NDUFAF2: variants seen among roughly 807,000 people sequenced by gnomAD.
The protein encoded by NDUFAF2 is NADH dehydrogenase [ubiquinone] 1 alpha subcomplex assembly factor 2.
In NDUFAF2, 13 loss-of-function variants were observed where a neutral mutation model predicts 22.8. The observed-to-expected ratio is 0.57, with a 90% confidence interval of 0.37 to 0.91. The LOEUF is 0.91. Among genes scored for constraint, NDUFAF2 ranks in the 40% least tolerant of loss-of-function variants. NDUFAF2 has a pLI of 0.01. For missense variants in NDUFAF2, 162 were observed against 195.2 expected (o/e 0.83, Z 1.01); for synonymous variants, 53 against 64.2 (o/e 0.83, Z 0.84).
At chr5:60,997,238 G>T (rs558507185) in intron 1 of NDUFAF2, among the ~76,000 whole-genome samples, 1 of 152,172 alleles carries the variant, frequency 6.6e-6, no homozygotes, top group East Asian at 1.9e-4. Flanking sequence ...CAACATAAAG[G>T]TTTGGTGATT....
At chr5:60,990,987 T>C (rs948417203) in intron 1 of NDUFAF2, among the ~76,000 whole-genome samples, 1 of 152,134 alleles carries the variant, frequency 6.6e-6, no homozygotes, top group African/African-American at 2.4e-5. Context: ...CCTGGTATAG[T>C]TGAACAAAAA....
intron 1 of NDUFAF2, among the ~76,000 whole-genome samples, chr5:60,989,705 G>A (rs1443428853): frequency 6.6e-6 from 1 of 152,094 alleles, no homozygotes; most frequent in Non-Finnish European, 1.5e-5. Flanking sequence ...AACAACGCAC[G>A]TGGACACAAC....
intron 1 of NDUFAF2, among the ~76,000 whole-genome samples, chr5:61,026,455 CTAATA>C (rs1580101080): frequency 6.6e-6 from 1 of 152,026 alleles, no homozygotes; most frequent in East Asian, 1.9e-4. Context: ...TGTAGAAAAT[CTAATA>C]TGTGTGTAAA....
intron 3 of NDUFAF2, among the ~76,000 whole-genome samples, chr5:61,114,101 C>A (rs1005573701): frequency 1.3e-5 from 2 of 152,004 alleles, no homozygotes; most frequent in Non-Finnish European, 2.9e-5. Context: ...TGTTATTTTA[C>A]CTTTGAATAA....
intron 2 of NDUFAF2, among the ~76,000 whole-genome samples, chr5:61,080,567 A>G (rs755876301): frequency 1.9e-4 from 29 of 152,124 alleles, no homozygotes; most frequent in Non-Finnish European, 2.9e-4. Flanking sequence ...GTGTTTTGAT[A>G]TCTCATTGTG....
At chr5:61,018,439 T>C (rs1194977676) in intron 1 of NDUFAF2, among the ~76,000 whole-genome samples, 1 of 152,188 alleles carries the variant, frequency 6.6e-6, no homozygotes, top group Non-Finnish European at 1.5e-5. Context: ...TCTTCCAATA[T>C]TCAAATAAGT....
intron 1 of NDUFAF2, among the ~76,000 whole-genome samples, chr5:60,996,350 C>T (rs576074793): frequency 6.6e-6 from 1 of 152,168 alleles, no homozygotes; most frequent in East Asian, 1.9e-4. Context: ...GGAGCTAGGC[C>T]CTGAAACAGG....
At chr5:61,006,616 A>C (rs1014029020) in intron 1 of NDUFAF2, among the ~76,000 whole-genome samples, 5 of 152,118 alleles carry the variant, frequency 3.3e-5, no homozygotes, top group Non-Finnish European at 5.9e-5. Flanking sequence ...CTTTTATTTC[A>C]TTGAGCACTG....
At chr5:61,152,056 A>G (rs2111837846) in intron 3 of NDUFAF2, among the ~76,000 whole-genome samples, 1 of 152,312 alleles carries the variant, frequency 6.6e-6, no homozygotes, top group Middle Eastern at 3.4e-3. Flanking sequence ...CCTAGATAGA[A>G]TTCTGAGGAA....
At chr5:60,988,711 A>C (rs545075110) in intron 1 of NDUFAF2, among the ~76,000 whole-genome samples, 1 of 152,354 alleles carries the variant, frequency 6.6e-6, no homozygotes, top group East Asian at 1.9e-4. Flanking sequence ...TGATGCTGGG[A>C]TAACTGGCTA....
chr5:61,020,993 CTTTTTTT>C (rs35877702), intron 1 of NDUFAF2, among the ~76,000 whole-genome samples: 1 of 116,630 alleles, frequency 8.6e-6, no homozygotes, highest in African/African-American at 3.3e-5. Context: ...TGCGTCCAGC[CTTTTTTT>C]TTTTTTTTTT....
At chr5:61,142,100 G>A (rs1057071408) in intron 3 of NDUFAF2, among the ~76,000 whole-genome samples, 1 of 152,122 alleles carries the variant, frequency 6.6e-6, no homozygotes, top group Non-Finnish European at 1.5e-5. Flanking sequence ...AGGGAGCAAG[G>A]TTTTCTTTGT....
chr5:61,150,449 G>A lies in NDUFAF2; in HGVS notation c.259-2255G>A, dbSNP rs1301371560. Among the ~76,000 whole-genome samples the A allele has an allele frequency of 3.9e-5, 6 of 152,076 alleles. No homozygotes were observed. In the East Asian group the frequency reaches 1.2e-3, roughly 29 times the overall value. On this transcript the variant is annotated intron_variant, in intron 3 of 3. Coordinates refer to ENST00000296597, the MANE Select transcript of NDUFAF2 (RefSeq NM_174889.5). ...TAAAAATAATTAATATATTCAGATTGGCTTTTCTTTTGCCTCAATAGCTAT... is the reference window on the plus strand; with the variant it reads ...TAAAAATAATTAATATATTCAGATTAGCTTTTCTTTTGCCTCAATAGCTAT...
At chr5:61,107,358 T>C (rs1752780636) in intron 3 of NDUFAF2, among the ~76,000 whole-genome samples, 1 of 151,460 alleles carries the variant, frequency 6.6e-6, no homozygotes, top group Admixed American at 6.6e-5. Flanking sequence ...CACTTTTTCA[T>C]ATACCTGTTT....
chr5:61,099,087 G>A (rs995176243), intron 3 of NDUFAF2, 55 bp downstream of exon 3: 32 of 1,233,200 alleles, frequency 2.6e-5, no homozygotes, highest in Middle Eastern at 2.0e-4. Flanking sequence ...AAGGATATAC[G>A]AAGCTTCAGA....
intron 3 of NDUFAF2, among the ~76,000 whole-genome samples, chr5:61,110,498 T>G (rs927575999): frequency 1.3e-5 from 2 of 152,092 alleles, no homozygotes; most frequent in Non-Finnish European, 2.9e-5. Context: ...GGTTTCAATC[T>G]TATTCTTATT....
intron 2 of NDUFAF2, among the ~76,000 whole-genome samples, chr5:61,085,420 A>G (rs574266923): frequency 2.3e-4 from 35 of 152,204 alleles, no homozygotes; most frequent in Middle Eastern, 3.4e-3. Context: ...TTAAGGGGGG[A>G]AAAAAACCTA....
At chr5:60,977,819 A>G (rs1308599415) in intron 1 of NDUFAF2, among the ~76,000 whole-genome samples, 2 of 149,706 alleles carry the variant, frequency 1.3e-5, no homozygotes, top group Non-Finnish European at 3.0e-5. Flanking sequence ...TCTGGGCTAC[A>G]GAACAAGACT....
At chr5:61,049,735 A>G (rs908822962) in intron 1 of NDUFAF2, among the ~76,000 whole-genome samples, 10 of 152,018 alleles carry the variant, frequency 6.6e-5, no homozygotes, top group African/African-American at 2.4e-4. Flanking sequence ...CCTCAGGTTC[A>G]TCCATGTTAT....
Sources: allele counts gnomAD v4.1 joint callset (sites outside exome capture counted in the v4.1 genomes callset), GRCh38; gene constraint gnomAD v4.1.1; transcripts MANE v1.5; gene names NCBI Gene and HGNC (gene_info 2026-07-23, HGNC 2026-07-21).